Variants in ASTN1 observed in about 807,000 individuals in gnomAD.
The protein encoded by ASTN1 is astrotactin 1.
A neutral mutation model predicts 140.7 loss-of-function variants in ASTN1; 41 were observed. That is an observed-to-expected ratio of 0.29 (90% confidence interval 0.23 to 0.38). The LOEUF (loss-of-function observed/expected upper bound fraction) is 0.38, where lower values mean the gene tolerates loss of function less well. ASTN1 is among the 10% of genes least tolerant of loss of function. The pLI is 1.00. For synonymous variants in ASTN1, 640 were observed against 652.2 expected (o/e 0.98, Z 0.29); for missense variants, 1,479 against 1,678.8 (o/e 0.88, Z 2.08).
At chr1:176,972,456 T>G (rs1401759011) in intron 8 of ASTN1, among the ~76,000 whole-genome samples, 4 of 152,194 alleles carry the variant, frequency 2.6e-5, no homozygotes, top group African/African-American at 9.7e-5. Flanking sequence ...AAAATGGTGA[T>G]AGAAGAGTGC....
intron 11 of ASTN1, among the ~76,000 whole-genome samples, chr1:176,951,846 C>G (rs1672203484): frequency 6.6e-6 from 1 of 152,170 alleles, no homozygotes; most frequent in Non-Finnish European, 1.5e-5. Flanking sequence ...TAATAGCTAT[C>G]AGAAATTAAG....
At chr1:176,964,195 G>A (rs1377883194) in intron 9 of ASTN1, among the ~76,000 whole-genome samples, 1 of 152,174 alleles carries the variant, frequency 6.6e-6, no homozygotes, top group Non-Finnish European at 1.5e-5. Flanking sequence ...TTGGAAAGGT[G>A]GCAGTGAAGA....
chr1:177,124,732 C>A (rs1681562727), intron 1 of ASTN1, among the ~76,000 whole-genome samples: 1 of 152,150 alleles, frequency 6.6e-6, no homozygotes, highest in Admixed American at 6.5e-5. Context: ...TTAGGATTCA[C>A]CAGCATGTTT....
chr1:177,039,103 T>C (rs7411205), intron 2 of ASTN1, among the ~76,000 whole-genome samples: 3,320 of 152,300 alleles, frequency 0.022, 130 homozygotes, highest in African/African-American at 0.074. Context: ...AAAGCTGAGA[T>C]TATGCTTCCA....
At chr1:177,016,546 G>T (rs1018218474) in intron 7 of ASTN1, among the ~76,000 whole-genome samples, 2 of 152,126 alleles carry the variant, frequency 1.3e-5, no homozygotes, top group Non-Finnish European at 2.9e-5. Flanking sequence ...GTTTATTTGA[G>T]AAAAGGAAAG....
intron 2 of ASTN1, among the ~76,000 whole-genome samples, chr1:177,045,891 C>T (rs1387630990): frequency 8.8e-6 from 1 of 113,464 alleles, no homozygotes; most frequent in East Asian, 2.0e-4. Context: ...ATTATATCTA[C>T]AGACATGTAG....
chr1:176,929,719 T>C (rs1337505566), intron 16 of ASTN1, among the ~76,000 whole-genome samples: 1 of 152,120 alleles, frequency 6.6e-6, no homozygotes, highest in Non-Finnish European at 1.5e-5. Context: ...CATTTAAAAA[T>C]GATAACAGAC....
intron 14 of ASTN1, among the ~76,000 whole-genome samples, chr1:176,943,349 G>T (rs893591070): frequency 1.3e-5 from 2 of 152,114 alleles, no homozygotes; most frequent in Admixed American, 1.3e-4. Context: ...TGAGGGGCAG[G>T]CATTATTATC....
chr1:177,003,842 G>T (rs1200292418), intron 8 of ASTN1, among the ~76,000 whole-genome samples: 1 of 150,952 alleles, frequency 6.6e-6, no homozygotes, highest in Non-Finnish European at 1.5e-5. Context: ...GAAAAGAAAA[G>T]AAAGGAAAAC....
chr1:177,135,884 A>G (rs998687671), intron 1 of ASTN1, among the ~76,000 whole-genome samples: 2 of 152,212 alleles, frequency 1.3e-5, no homozygotes, highest in Non-Finnish European at 1.5e-5. Context: ...CTGCATTTGA[A>G]CAATATCCTC....
chr1:176,899,937 T>C (rs1218210182), intron 16 of ASTN1, among the ~76,000 whole-genome samples: 3 of 152,236 alleles, frequency 2.0e-5, no homozygotes, highest in Non-Finnish European at 2.9e-5. Flanking sequence ...CATCTTTTTC[T>C]CCACTTCTAC....
rs1229460055 is a variant in ASTN1, at chr1:176,861,095, C to T, written c.*3189G>A. ...TTACTAATAGCTTTGTTTTATTATT[C>T]AGTTAATTATTTCATCTTTTATAAT... On this transcript the variant is annotated 3_prime_UTR_variant, in exon 23 of 23. Transcript: ENST00000361833. The T allele has an allele frequency of 4.8e-5, 46 of 953,756 alleles. No homozygotes were observed. The highest frequency in any genetic ancestry group is 5.6e-5 in the Non-Finnish European group (45 of 801,294). The allele number at this position is 953,756 out of a possible 1,614,324, so 59.1% of individuals were successfully genotyped here.
At chr1:177,013,382 C>T (rs1675387392) in intron 8 of ASTN1, among the ~76,000 whole-genome samples, 1 of 152,222 alleles carries the variant, frequency 6.6e-6, no homozygotes, top group Non-Finnish European at 1.5e-5. Context: ...CTCCTAACAT[C>T]TATGGGCATC....
intron 20 of ASTN1, among the ~76,000 whole-genome samples, chr1:176,880,569 G>C (rs754251665): frequency 1.5e-4 from 23 of 152,180 alleles, no homozygotes; most frequent in Non-Finnish European, 3.1e-4. Flanking sequence ...TTTCAAGTAG[G>C]AGTTCTTCGC....
chr1:177,156,098 C>T (rs970808719), intron 1 of ASTN1, among the ~76,000 whole-genome samples: 2 of 151,782 alleles, frequency 1.3e-5, no homozygotes, highest in Non-Finnish European at 2.9e-5. Context: ...GGTGAAACTC[C>T]GTCTCTACTA....
Position 176,934,270 on chromosome 1 carries a change from C to A in ASTN1, c.2553G>T (p.Gln851His), listed in dbSNP as rs779929552. ...CTTCCTGGATGTAATGGTTGCCGAA[C>A]TGGTCCAACAGCGCCACAAAATCTG... ...SRADFVALLDQFGNHYIQEAI... is the reference protein window; with the variant it reads ...SRADFVALLDHFGNHYIQEAI... Residue 851 changes from glutamine (Q) to histidine (H), a missense_variant, in exon 16 of 23, where the codon CAG becomes CAT. Gln to His is a conservative substitution (Grantham distance 24, BLOSUM62 0). Transcript: ENST00000361833. The A allele has an allele frequency of 1.9e-6, 3 of 1,613,914 alleles. No homozygotes were observed. The highest frequency in any genetic ancestry group is 2.7e-5 in the African/African-American group (2 of 74,876).
At chr1:176,956,081 G>C (rs1411638246) in intron 11 of ASTN1, among the ~76,000 whole-genome samples, 1 of 152,078 alleles carries the variant, frequency 6.6e-6, no homozygotes, top group African/African-American at 2.4e-5. Flanking sequence ...GAATGGACCA[G>C]CCAAAGGGAG....
At chr1:176,885,217 G>T (rs1178389283) in intron 18 of ASTN1, among the ~76,000 whole-genome samples, 1 of 152,150 alleles carries the variant, frequency 6.6e-6, no homozygotes, top group African/African-American at 2.4e-5. Flanking sequence ...GGATATCCTG[G>T]TTCCTGATTC....
intron 16 of ASTN1, among the ~76,000 whole-genome samples, chr1:176,920,551 C>T (rs1338248464): frequency 6.6e-6 from 1 of 152,202 alleles, no homozygotes; most frequent in African/African-American, 2.4e-5. Flanking sequence ...TTGGTATAGG[C>T]ACTTTGGTAC....
Sources: gnomAD v4.1 joint callset for allele counts (sites outside exome capture counted in the v4.1 genomes callset) on GRCh38, gnomAD v4.1.1 for gene constraint, MANE v1.5 for transcripts, NCBI Gene and HGNC (gene_info 2026-07-23, HGNC 2026-07-21) for gene names.